MACROD2: variants seen among roughly 807,000 people sequenced by gnomAD.
MACROD2 encodes ADP-ribose glycohydrolase MACROD2.
Under a neutral mutation model 70.4 loss-of-function variants are expected in MACROD2, and 36 were observed. The ratio of observed to expected loss-of-function variants is 0.51; its 90% CI spans 0.39 to 0.68. The LOEUF (loss-of-function observed/expected upper bound fraction) is 0.68. Among genes scored for constraint, MACROD2 ranks in the 30% least tolerant of loss-of-function variants. The pLI, the probability that MACROD2 is intolerant of heterozygous loss-of-function variation, is 0.00. For missense variants in MACROD2, 496 were observed against 538.4 expected, an observed-to-expected ratio of 0.92 and a Z score of 0.78; for synonymous variants, 172 against 178.8, an observed-to-expected ratio of 0.96 and a Z score of 0.30.
intron 5 of MACROD2, among the ~76,000 whole-genome samples, chr20:14,740,758 A>C (rs1018788371): frequency 6.6e-6 from 1 of 152,186 alleles, no homozygotes; most frequent in African/African-American, 2.4e-5. Context: ...AAGATTAAAA[A>C]AAAACCAGGT....
At chr20:14,224,868 A>G (rs2081717566) in intron 3 of MACROD2, among the ~76,000 whole-genome samples, 1 of 152,212 alleles carries the variant, frequency 6.6e-6, no homozygotes, top group South Asian at 2.1e-4. Flanking sequence ...TGTTGTGAAT[A>G]GCTGTCTGTA....
intron 4 of MACROD2, among the ~76,000 whole-genome samples, chr20:14,532,835 G>A (rs1312116494): frequency 6.6e-6 from 1 of 152,100 alleles, no homozygotes; most frequent in Non-Finnish European, 1.5e-5. Flanking sequence ...GTAATCCCTG[G>A]GTGATGCATC....
chr20:14,546,541 A>C (rs1406050592), intron 4 of MACROD2, among the ~76,000 whole-genome samples: 2 of 152,122 alleles, frequency 1.3e-5, no homozygotes, highest in Non-Finnish European at 2.9e-5. Flanking sequence ...GAAAATAGAG[A>C]CTACATCTTG....
chr20:15,991,332 G>A (rs1427828283), intron 15 of MACROD2, among the ~76,000 whole-genome samples: 1 of 152,194 alleles, frequency 6.6e-6, no homozygotes, highest in African/African-American at 2.4e-5. Flanking sequence ...AAATCCATTA[G>A]AGGTTTATCT....
chr20:14,782,272 G>A (rs530331484), intron 5 of MACROD2, among the ~76,000 whole-genome samples: 37 of 152,030 alleles, frequency 2.4e-4, no homozygotes, highest in South Asian at 4.2e-4. Context: ...ATCATTAGCA[G>A]TAATAACAAC....
intron 7 of MACROD2, among the ~76,000 whole-genome samples, chr20:15,472,394 A>G (rs1486513063): frequency 2.0e-5 from 3 of 152,106 alleles, no homozygotes; most frequent in Non-Finnish European, 4.4e-5. Flanking sequence ...CAGGCTTAGA[A>G]GACTATACCC....
chr20:14,344,888 C>T (rs558416212), intron 3 of MACROD2, among the ~76,000 whole-genome samples: 83 of 152,210 alleles, frequency 5.5e-4, no homozygotes, highest in South Asian at 1.0e-3. Flanking sequence ...TGGATGTAAC[C>T]CCTCTTTGTT....
intron 6 of MACROD2, among the ~76,000 whole-genome samples, chr20:15,332,568 T>C (rs1451678062): frequency 6.6e-6 from 1 of 151,578 alleles, no homozygotes; most frequent in Non-Finnish European, 1.5e-5. Flanking sequence ...CACATTTTAC[T>C]AAGGAAAGAG....
At chr20:15,640,946 T>G (rs902157462) in intron 8 of MACROD2, among the ~76,000 whole-genome samples, 1 of 152,216 alleles carries the variant, frequency 6.6e-6, no homozygotes, top group African/African-American at 2.4e-5. Context: ...AGCTTTCCTT[T>G]AAATTTCACT....
intron 5 of MACROD2, among the ~76,000 whole-genome samples, chr20:14,796,062 T>C (rs2072506253): frequency 6.6e-6 from 1 of 152,110 alleles, no homozygotes; most frequent in African/African-American, 2.4e-5. Flanking sequence ...ATATATTCAG[T>C]TTTTATGAGC....
At chr20:15,458,637 TTTAA>T (rs2046765182) in intron 7 of MACROD2, among the ~76,000 whole-genome samples, 1 of 130,260 alleles carries the variant, frequency 7.7e-6, no homozygotes, top group African/African-American at 3.0e-5. Context: ...GTTTTTTTTT[TTTAA>T]AAAAAAAAAA....
At chr20:14,823,210 T>A (rs2072866586) in intron 5 of MACROD2, among the ~76,000 whole-genome samples, 1 of 152,140 alleles carries the variant, frequency 6.6e-6, no homozygotes, top group South Asian at 2.1e-4. Flanking sequence ...AACTTCTCCC[T>A]ATTTGTAACT....
At chr20:15,539,097 G>A (rs769782104) in intron 8 of MACROD2, among the ~76,000 whole-genome samples, 27 of 151,846 alleles carry the variant, frequency 1.8e-4, no homozygotes, top group Non-Finnish European at 3.2e-4. Context: ...TTCTGAGTAC[G>A]TAACTCTTGC....
chr20:14,995,159 G>A (rs1040986908), intron 5 of MACROD2, among the ~76,000 whole-genome samples: 6 of 152,038 alleles, frequency 3.9e-5, no homozygotes, highest in African/African-American at 1.4e-4. Context: ...TGATAATGCA[G>A]TGTCAAGTTG....
At position 14,281,727 on chromosome 20, in the gene MACROD2, G is replaced by C. The variant is rs183229941; in HGVS notation, c.271+195999G>C. Among the ~76,000 whole-genome samples, 8 of 151,992 alleles carry C rather than the reference G, an allele frequency of 5.3e-5. No individual in the cohort carries two copies. The East Asian group carries it at 1.5e-3, about 29-fold the overall frequency. ...CAAGGCGGGCGGATCACAAGGTCAG[G>C]AGTTAGAGACCAGCCTGACCAAAAT... On this transcript the variant is annotated intron_variant, in intron 3 of 17. Transcript: ENST00000684519.
chr20:14,953,407 C>T (rs181390917), intron 5 of MACROD2, among the ~76,000 whole-genome samples: 10 of 152,102 alleles, frequency 6.6e-5, no homozygotes, highest in African/African-American at 2.2e-4. Context: ...CCTGGGTTCA[C>T]GCCATTCTCC....
chr20:15,232,318 G>C (rs556555707), intron 6 of MACROD2, among the ~76,000 whole-genome samples: 4 of 152,076 alleles, frequency 2.6e-5, no homozygotes, highest in Non-Finnish European at 5.9e-5. Context: ...TAAAAAGCCT[G>C]GTTATTAGGA....
chr20:14,397,344 CTTGT>C (rs1256066513), intron 3 of MACROD2, among the ~76,000 whole-genome samples: 3 of 152,034 alleles, frequency 2.0e-5, no homozygotes, highest in Non-Finnish European at 4.4e-5. Flanking sequence ...GAACATACAT[CTTGT>C]TTGTTTTATA....
chr20:15,614,487 G>C (rs916810671), intron 8 of MACROD2, among the ~76,000 whole-genome samples: 2 of 152,116 alleles, frequency 1.3e-5, no homozygotes, highest in African/African-American at 4.8e-5. Flanking sequence ...GGCATCACCT[G>C]TGAAGGTGTG....
Sources: allele counts gnomAD v4.1 joint callset (sites outside exome capture counted in the v4.1 genomes callset), GRCh38; gene constraint gnomAD v4.1.1; transcripts MANE v1.5; gene names NCBI Gene and HGNC (gene_info 2026-07-23, HGNC 2026-07-21).